The following DSCAML1 variants were observed in gnomAD, a reference collection of about 807,000 sequenced individuals.
DSCAML1 encodes the protein cell adhesion molecule DSCAML1.
DSCAML1 carries 38 observed loss-of-function variants against 200.5 expected under a neutral mutation model. The ratio of observed to expected loss-of-function variants is 0.19; its 90% CI spans 0.15 to 0.25. The LOEUF is 0.25. DSCAML1 is among the 10% of genes least tolerant of loss of function. The pLI is 1.00. For missense variants in DSCAML1, 2,223 were observed against 2,858.8 expected, an observed-to-expected ratio of 0.78 and a Z score of 5.07; for synonymous variants, 1,215 against 1,165.0, an observed-to-expected ratio of 1.04 and a Z score of -0.87.
At position 117,711,352 on chromosome 11, in the gene DSCAML1, G is replaced by A. The variant is rs569362004; in HGVS notation, c.511+65439C>T. On this transcript the variant is annotated intron_variant, in intron 3 of 32. Coordinates refer to ENST00000651296, the MANE Select transcript of DSCAML1 (RefSeq NM_020693.4). The stretch of plus-strand genomic sequence containing the variant: ...AACTCCCTGCTGCTCCCGTTTTACA[G>A]AAGAGAAAACTGAGGGGCAGAATAG... 2.2e-4 allele frequency among the ~76,000 whole-genome samples: 33 copies of A among 152,326 alleles called. No individual in the cohort carries two copies. In the East Asian group the frequency reaches 3.3e-3, roughly 15 times the overall value.
intron 11 of DSCAML1, among the ~76,000 whole-genome samples, chr11:117,494,100 A>G (rs1193675574): frequency 6.6e-6 from 1 of 152,104 alleles, no homozygotes; most frequent in African/African-American, 2.4e-5. Flanking sequence ...TTTTATTTCC[A>G]TTTTAGACAT....
intron 1 of DSCAML1, among the ~76,000 whole-genome samples, chr11:117,806,252 T>C (rs866509638): frequency 1.3e-5 from 2 of 152,040 alleles, no homozygotes; most frequent in African/African-American, 4.8e-5. Flanking sequence ...AAAACCAAGG[T>C]AGGATGTGAG....
chr11:117,680,573 G>T (rs2137692635), intron 3 of DSCAML1, among the ~76,000 whole-genome samples: 1 of 152,332 alleles, frequency 6.6e-6, no homozygotes, highest in African/African-American at 2.4e-5. Flanking sequence ...CTCAGGCTGG[G>T]GTCCATGATA....
In DSCAML1 at chr11:117,510,236, C is replaced by T. The variant is rs535257734; in HGVS notation, c.1784-4504G>A. On this transcript the variant is annotated intron_variant, in intron 8 of 32. Coordinates refer to ENST00000651296, the MANE Select transcript of DSCAML1 (RefSeq NM_020693.4). ...TTACTGCACCTGCTAGCAGAGTGTGCGCCGTGGGAAGTCTGGGCTTCTTTG... is the reference window on the plus strand; with the variant it reads ...TTACTGCACCTGCTAGCAGAGTGTGTGCCGTGGGAAGTCTGGGCTTCTTTG... 4.6e-5 allele frequency among the ~76,000 whole-genome samples: 7 copies of T among 152,302 alleles called. No individual in the cohort carries two copies. The East Asian group carries it at 7.7e-4, about 17-fold the overall frequency.
At chr11:117,555,968 G>C (rs1390866663) in intron 3 of DSCAML1, among the ~76,000 whole-genome samples, 1 of 151,962 alleles carries the variant, frequency 6.6e-6, no homozygotes, top group Non-Finnish European at 1.5e-5. Context: ...GGAGGGGGAA[G>C]AGAAGGTGGA....
chr11:117,629,680 A>C (rs1259180848), intron 3 of DSCAML1, among the ~76,000 whole-genome samples: 1 of 152,074 alleles, frequency 6.6e-6, no homozygotes, highest in Non-Finnish European at 1.5e-5. Context: ...GGAGGGAGGA[A>C]GTGAGAGAGA....
At chr11:117,705,187 C>T (rs938527259) in intron 3 of DSCAML1, among the ~76,000 whole-genome samples, 3 of 152,062 alleles carry the variant, frequency 2.0e-5, no homozygotes, top group Non-Finnish European at 2.9e-5. Context: ...TATTTTGCTT[C>T]GGCTGTTATT....
At chr11:117,680,085 C>T (rs1454099061) in intron 3 of DSCAML1, among the ~76,000 whole-genome samples, 4 of 152,208 alleles carry the variant, frequency 2.6e-5, no homozygotes, top group Non-Finnish European at 4.4e-5. Context: ...GAAGATAATG[C>T]CTTCTCTAAG....
At chr11:117,524,035 G>A (rs2049928870) in intron 5 of DSCAML1, among the ~76,000 whole-genome samples, 1 of 152,214 alleles carries the variant, frequency 6.6e-6, no homozygotes, top group African/African-American at 2.4e-5. Flanking sequence ...CAGGAGTGGA[G>A]AGAGGTGGGG....
chr11:117,666,537 G>C (rs1349117353), intron 3 of DSCAML1, among the ~76,000 whole-genome samples: 1 of 152,006 alleles, frequency 6.6e-6, no homozygotes, highest in African/African-American at 2.4e-5. Flanking sequence ...GCTGCTGCCG[G>C]GCCTCTCTCT....
chr11:117,665,168 G>A (rs555068547), intron 3 of DSCAML1, among the ~76,000 whole-genome samples: 1 of 152,170 alleles, frequency 6.6e-6, no homozygotes, highest in Admixed American at 6.5e-5. Context: ...TTTCACAGTT[G>A]TGATGCCTTG....
At chr11:117,629,608 T>G (rs78470936) in intron 3 of DSCAML1, among the ~76,000 whole-genome samples, 8,633 of 151,256 alleles carry the variant, frequency 0.057, 324 homozygotes, top group Non-Finnish European at 0.085. Context: ...ACGGGAGAGA[T>G]GGACAGAGAC....
chr11:117,597,508 G>A (rs2051384881), intron 3 of DSCAML1, among the ~76,000 whole-genome samples: 1 of 152,214 alleles, frequency 6.6e-6, no homozygotes, highest in African/African-American at 2.4e-5. Flanking sequence ...GAGTGCAATG[G>A]CACGATCTGA....
At chr11:117,799,228 A>G (rs1173725746), upstream of DSCAML1, among the ~76,000 whole-genome samples, 1 of 152,184 alleles carries the variant, frequency 6.6e-6, no homozygotes, top group African/African-American at 2.4e-5. Context: ...GAATCCAGTT[A>G]TTTAAAACTA....
At chr11:117,769,937 T>A (rs2055007109) in intron 3 of DSCAML1, among the ~76,000 whole-genome samples, 1 of 152,112 alleles carries the variant, frequency 6.6e-6, no homozygotes, top group Non-Finnish European at 1.5e-5. Flanking sequence ...CCCAGTGACC[T>A]CTCAGGTCTC....
In DSCAML1 at chr11:117,482,041, T is replaced by G. The variant is rs752051719; in HGVS notation, c.2481A>C (p.Thr827=). 1 of 1,614,072 alleles carries G rather than the reference T, an allele frequency of 6.2e-7. No individual in the cohort carries two copies. Among genetic ancestry groups the G allele is most frequent in the African/African-American group, 1.3e-5 (1 of 74,936 alleles). Residue 827 remains threonine (T), a synonymous_variant, in exon 12 of 33, where the codon ACA becomes ACC. Transcript: ENST00000651296. ...PIIIRWEKGD[T]VIDPDRVMRY... ...GCATGACGCGGTCAGGGTCGATGAC[T>G]GTGTCCCCCTTCTCCCAGCGGATGA...
intron 3 of DSCAML1, among the ~76,000 whole-genome samples, chr11:117,630,983 T>A (rs2052161213): frequency 6.6e-6 from 1 of 152,214 alleles, no homozygotes; most frequent in Non-Finnish European, 1.5e-5. Context: ...ATTGGACACA[T>A]AAGTGCTCAG....
chr11:117,648,403 C>G (rs1486637049), intron 3 of DSCAML1, among the ~76,000 whole-genome samples: 1 of 152,200 alleles, frequency 6.6e-6, no homozygotes, highest in Non-Finnish European at 1.5e-5. Flanking sequence ...CCCGCTTCCA[C>G]GCAGTTCACC....
chr11:117,547,308 A>G (rs1215851805), intron 3 of DSCAML1, among the ~76,000 whole-genome samples: 1 of 152,162 alleles, frequency 6.6e-6, no homozygotes, highest in Non-Finnish European at 1.5e-5. Context: ...AATCACTGTT[A>G]TTACAATTCG....
Sources: allele counts gnomAD v4.1 joint callset (sites outside exome capture counted in the v4.1 genomes callset), GRCh38; gene constraint gnomAD v4.1.1; transcripts MANE v1.5; gene names NCBI Gene and HGNC (gene_info 2026-07-23, HGNC 2026-07-21).